Variants in GRM1 observed in about 807,000 individuals in gnomAD.
The protein encoded by GRM1 is glutamate metabotropic receptor 1, also known as metabotropic glutamate receptor 1.
Under a neutral mutation model 90.9 loss-of-function variants are expected in GRM1, and 33 were observed. That is an observed-to-expected ratio of 0.36 (90% CI 0.28 to 0.49). The LOEUF (loss-of-function observed/expected upper bound fraction) is 0.49, where lower values mean the gene tolerates loss of function less well. GRM1 is among the 20% of genes least tolerant of loss of function. GRM1 has a pLI of 0.99. For synonymous variants in GRM1, 700 were observed against 613.2 expected (o/e 1.14, Z -2.09); for missense variants, 1,190 against 1,534.3 (o/e 0.78, Z 3.75).
At chr6:146,167,296 A>G (rs1777944166) in intron 2 of GRM1, among the ~76,000 whole-genome samples, 1 of 152,124 alleles carries the variant, frequency 6.6e-6, no homozygotes, top group South Asian at 2.1e-4. Flanking sequence ...CTATTGATAG[A>G]CATTTGGATT....
intron 3 of GRM1, 53 bp from the exon 4 acceptor site, chr6:146,352,197 A>G: frequency 6.3e-7 from 1 of 1,589,774 alleles, no homozygotes; most frequent in Non-Finnish European, 8.6e-7. Context: ...TAAACCTGGG[A>G]GCCTAGTCTT....
At chr6:146,219,212 A>G (rs1779973885) in intron 2 of GRM1, among the ~76,000 whole-genome samples, 1 of 152,170 alleles carries the variant, frequency 6.6e-6, no homozygotes. Flanking sequence ...AGTAGAGAGC[A>G]TTTTATTAAC....
intron 2 of GRM1, among the ~76,000 whole-genome samples, chr6:146,211,533 T>C (rs575428716): frequency 6.6e-6 from 1 of 152,324 alleles, no homozygotes; most frequent in East Asian, 1.9e-4. Flanking sequence ...TGACTTTTTG[T>C]TATATGACAT....
In GRM1 at chr6:146,399,207, C is replaced by G; in HGVS notation, c.2168C>G (p.Thr723Ser). 6.2e-7 allele frequency: 1 copy of G among 1,614,028 alleles called. No individual in the cohort carries two copies. The highest frequency in any genetic ancestry group is 8.5e-7 in the Non-Finnish European group (1 of 1,179,992). Reference protein sequence around the residue: ...LISVQLTLVVTLIIMEPPMPI... With the variant: ...LISVQLTLVVSLIIMEPPMPI... The stretch of plus-strand genomic sequence containing the variant: ...AGTGTGCAACTAACCCTGGTGGTAA[C>G]CCTGATCATCATGGAACCCCCTATG... The change falls in exon 7 of 8, where the codon ACC (threonine) becomes AGC (serine). Residue 723 changes from threonine to serine, a missense_variant. Transcript: ENST00000282753. The surrounding 1 kb of genome is among the most constrained non-coding windows in gnomAD (Gnocchi z 5.4).
chr6:146,292,879 C>T (rs976859972), intron 2 of GRM1, among the ~76,000 whole-genome samples: 3 of 151,886 alleles, frequency 2.0e-5, no homozygotes, highest in African/African-American at 4.8e-5. Context: ...AGCTCATCAG[C>T]AGACCAATGG....
intron 3 of GRM1, among the ~76,000 whole-genome samples, chr6:146,351,713 T>A: frequency 6.6e-6 from 1 of 152,086 alleles, no homozygotes; most frequent in Admixed American, 6.5e-5. Context: ...ATCAACCGTA[T>A]ATAAGAAGAG....
At chr6:146,094,253 G>C (rs1776804743) in intron 1 of GRM1, among the ~76,000 whole-genome samples, 1 of 152,086 alleles carries the variant, frequency 6.6e-6, no homozygotes. Flanking sequence ...TGTTGAGAAA[G>C]TGTGAGTGCT....
intron 1 of GRM1, among the ~76,000 whole-genome samples, chr6:146,031,229 G>C (rs1790696328): frequency 6.6e-6 from 1 of 152,112 alleles, no homozygotes; most frequent in Non-Finnish European, 1.5e-5. Flanking sequence ...AAGTCCCCCA[G>C]TAGGTTTATG....
intron 2 of GRM1, among the ~76,000 whole-genome samples, chr6:146,299,732 C>T (rs1783307048): frequency 6.6e-6 from 1 of 152,128 alleles, no homozygotes; most frequent in Non-Finnish European, 1.5e-5. Flanking sequence ...GCAGACCATT[C>T]TCTTTTGCCG....
chr6:146,061,426 C>T (rs900214863), intron 1 of GRM1, among the ~76,000 whole-genome samples: 1 of 151,956 alleles, frequency 6.6e-6, no homozygotes, highest in African/African-American at 2.4e-5. Flanking sequence ...ATTTTGAATG[C>T]CTGTACTGAA....
At chr6:146,400,472 GTCCAGATGAAT>G (rs1554309001) in intron 7 of GRM1, among the ~76,000 whole-genome samples, 1 of 152,134 alleles carries the variant, frequency 6.6e-6, no homozygotes, top group East Asian at 1.9e-4. Context: ...GAACATTAAA[GTCCAGATGAAT>G]TCCAGATGAA....
At chr6:146,300,125 T>A (rs1223159850) in intron 2 of GRM1, among the ~76,000 whole-genome samples, 4 of 152,226 alleles carry the variant, frequency 2.6e-5, no homozygotes, top group Admixed American at 1.3e-4. Context: ...CTCTGGAATA[T>A]TTTAAAGAAT....
chr6:146,028,149 G>C (rs1244940168), upstream of GRM1, among the ~76,000 whole-genome samples: 1 of 152,136 alleles, frequency 6.6e-6, no homozygotes, highest in Non-Finnish European at 1.5e-5. Context: ...CCCCAAGCGG[G>C]TGGGTTTGGA....
chr6:146,078,138 A>G (rs1237261612), intron 1 of GRM1, among the ~76,000 whole-genome samples: 1 of 152,220 alleles, frequency 6.6e-6, no homozygotes, highest in Non-Finnish European at 1.5e-5. Flanking sequence ...TGAGAGGAGT[A>G]AGCATTGTCA....
At chr6:146,222,207 G>A (rs1417156805) in intron 2 of GRM1, among the ~76,000 whole-genome samples, 1 of 152,142 alleles carries the variant, frequency 6.6e-6, no homozygotes, top group Non-Finnish European at 1.5e-5. Context: ...ATGCCTTGGA[G>A]GGACAATACA....
intron 6 of GRM1, among the ~76,000 whole-genome samples, chr6:146,390,258 G>A (rs761026569): frequency 1.3e-5 from 2 of 151,554 alleles, no homozygotes; most frequent in African/African-American, 4.8e-5. Flanking sequence ...ATAAAAACAG[G>A]TTTACTGTGG....
intron 3 of GRM1, among the ~76,000 whole-genome samples, chr6:146,326,444 C>T (rs920819113): frequency 3.9e-5 from 6 of 152,088 alleles, no homozygotes; most frequent in African/African-American, 1.4e-4. Context: ...TTTTGAGGGG[C>T]AGAGGGTGAA....
Position 146,029,231 on chromosome 6 carries a change from T to C in GRM1, c.-287T>C. On this transcript the variant is annotated 5_prime_UTR_variant, in exon 1 of 8. Transcript: ENST00000282753. ...TCACCGCTGCCAACACGACTTCCAC[T>C]GTACTCTTGATCAATTTACCTTGAT... is the stretch of plus-strand genomic sequence containing the variant. 1 of 493,056 alleles carries C rather than the reference T, an allele frequency of 2.0e-6. No homozygotes were observed. Among genetic ancestry groups the C allele is most frequent in the Non-Finnish European group, 3.7e-6 (1 of 269,750 alleles). 30.5% of individuals were successfully genotyped at this position (493,056 alleles called of 1,614,324 possible).
intron 2 of GRM1, among the ~76,000 whole-genome samples, chr6:146,248,235 T>C (rs533318441): frequency 6.6e-6 from 1 of 152,274 alleles, no homozygotes; most frequent in African/African-American, 2.4e-5. Context: ...CCCTTAGGCA[T>C]GGTGAATGAG....
Sources: gnomAD v4.1 joint callset for allele counts (sites outside exome capture counted in the v4.1 genomes callset) on GRCh38, gnomAD v4.1.1 for gene constraint, Gnocchi (gnomAD v3.1) non-coding constraint, MANE v1.5 for transcripts, NCBI Gene and HGNC (gene_info 2026-07-23, HGNC 2026-07-21) for gene names.